FRMD4A: variants seen among roughly 807,000 people sequenced by gnomAD.
FRMD4A encodes FERM domain containing 4A.
Under a neutral mutation model 129.1 loss-of-function variants are expected in FRMD4A, and 29 were observed. The observed-to-expected ratio is 0.22, with a 90% CI of 0.17 to 0.31. The LOEUF (loss-of-function observed/expected upper bound fraction) is 0.31. Among genes scored for constraint, FRMD4A ranks in the 10% least tolerant of loss-of-function variants. The pLI is 1.00. For synonymous variants in FRMD4A, 634 were observed against 571.6 expected (o/e 1.11, Z -1.56); for missense variants, 1,272 against 1,375.8 (o/e 0.92, Z 1.19).
intron 2 of FRMD4A, among the ~76,000 whole-genome samples, chr10:14,177,977 C>T (rs1841789944): frequency 6.6e-6 from 1 of 152,174 alleles, no homozygotes; most frequent in Non-Finnish European, 1.5e-5. Flanking sequence ...ATGAGAATGG[C>T]AATAGCTGTT....
chr10:14,313,307 G>C (rs1846624158), intron 2 of FRMD4A, among the ~76,000 whole-genome samples: 1 of 152,242 alleles, frequency 6.6e-6, no homozygotes, highest in South Asian at 2.1e-4. Context: ...AGGCTGCAGT[G>C]AGCTATGATT....
At chr10:13,682,493 CTTTCTTTT>C (rs2084690360) in intron 15 of FRMD4A, among the ~76,000 whole-genome samples, 2 of 96,262 alleles carry the variant, frequency 2.1e-5, no homozygotes, top group Non-Finnish European at 4.8e-5. Flanking sequence ...CATTTTCTTT[CTTTCTTTT>C]TTTTTTTTTT....
chr10:13,707,446 A>G (rs1298256266), intron 12 of FRMD4A: 50 of 1,045,022 alleles, frequency 4.8e-5, no homozygotes, highest in Non-Finnish European at 5.7e-5. Flanking sequence ...CTTCCAGGAG[A>G]GGGAGGAGAG....
At chr10:14,079,356 A>G (rs1167914282) in intron 2 of FRMD4A, among the ~76,000 whole-genome samples, 1 of 152,086 alleles carries the variant, frequency 6.6e-6, no homozygotes, top group Admixed American at 6.6e-5. Context: ...AAAAGCCCAG[A>G]CCTCCTGGTG....
intron 2 of FRMD4A, among the ~76,000 whole-genome samples, chr10:14,175,643 G>A (rs1841695045): frequency 6.6e-6 from 1 of 150,660 alleles, no homozygotes; most frequent in Admixed American, 6.6e-5. Flanking sequence ...TCCTGCCTCA[G>A]CCTCCTGAAT....
intron 2 of FRMD4A, among the ~76,000 whole-genome samples, chr10:14,134,416 G>A (rs1454332461): frequency 6.6e-6 from 1 of 151,884 alleles, no homozygotes; most frequent in Non-Finnish European, 1.5e-5. Context: ...TGGATGGATG[G>A]GGGATAGGTG....
intron 3 of FRMD4A, among the ~76,000 whole-genome samples, chr10:13,828,706 A>G (rs539415503): frequency 6.6e-5 from 10 of 151,864 alleles, no homozygotes; most frequent in Admixed American, 5.9e-4. Context: ...CTAATTTTGT[A>G]TTTTTAGTAG....
intron 2 of FRMD4A, among the ~76,000 whole-genome samples, chr10:14,160,418 C>T (rs1417930579): frequency 6.6e-6 from 1 of 152,028 alleles, no homozygotes; most frequent in Non-Finnish European, 1.5e-5. Context: ...GCACAGGCAA[C>T]AACACAAAAA....
intron 2 of FRMD4A, among the ~76,000 whole-genome samples, chr10:14,329,480 G>T (rs1407480326): frequency 6.6e-6 from 1 of 152,166 alleles, no homozygotes; most frequent in African/African-American, 2.4e-5. Context: ...CTCACACACA[G>T]ATAAATGCCT....
intron 3 of FRMD4A, among the ~76,000 whole-genome samples, chr10:13,813,814 G>A (rs1333264962): frequency 6.6e-6 from 1 of 152,194 alleles, no homozygotes; most frequent in Non-Finnish European, 1.5e-5. Flanking sequence ...ATTCAAAATT[G>A]GAAGTACAGT....
chr10:13,785,250 A>C (rs1272801415), intron 5 of FRMD4A, among the ~76,000 whole-genome samples: 1 of 152,148 alleles, frequency 6.6e-6, no homozygotes, highest in Admixed American at 6.6e-5. Context: ...TCAGACATTA[A>C]ATTTTCTCAA....
At chr10:14,133,781 C>A (rs939871059) in intron 2 of FRMD4A, among the ~76,000 whole-genome samples, 78 of 152,320 alleles carry the variant, frequency 5.1e-4, no homozygotes, top group African/African-American at 1.9e-3. Flanking sequence ...AGAACCATAT[C>A]TTATGAGTCT....
At chr10:13,918,187 T>C (rs546342571) in intron 2 of FRMD4A, among the ~76,000 whole-genome samples, 1 of 152,296 alleles carries the variant, frequency 6.6e-6, no homozygotes, top group South Asian at 2.1e-4. Flanking sequence ...AGAATGTGGG[T>C]TTCTTGCAGG....
chr10:13,683,712 G>GTTTTT (rs5783340), intron 15 of FRMD4A, among the ~76,000 whole-genome samples: 1 of 147,814 alleles, frequency 6.8e-6, no homozygotes, highest in Non-Finnish European at 1.5e-5. Flanking sequence ...GTCACATCCA[G>GTTTTT]TTTTTTTTTT....
intron 2 of FRMD4A, among the ~76,000 whole-genome samples, chr10:13,924,856 A>G (rs2095112479): frequency 6.6e-6 from 1 of 152,036 alleles, no homozygotes; most frequent in Non-Finnish European, 1.5e-5. Context: ...TGAGGTCAGG[A>G]GTTCGAGACC....
chr10:14,054,425 C>T (rs1475403498), intron 2 of FRMD4A, among the ~76,000 whole-genome samples: 1 of 152,134 alleles, frequency 6.6e-6, no homozygotes, highest in Non-Finnish European at 1.5e-5. Context: ...CAGCCTTGCC[C>T]TAATTTCCCA....
intron 12 of FRMD4A, chr10:13,707,725 A>G (rs1384094339): frequency 1.5e-5 from 15 of 985,276 alleles, no homozygotes; most frequent in Non-Finnish European, 1.8e-5. Flanking sequence ...TCACAGTGTG[A>G]GCCTGTCAAG....
intron 2 of FRMD4A, among the ~76,000 whole-genome samples, chr10:14,026,448 A>G (rs1391535801): frequency 6.6e-6 from 1 of 152,192 alleles, no homozygotes; most frequent in Non-Finnish European, 1.5e-5. Flanking sequence ...TTGTACATGC[A>G]TGTTCTTCGA....
chr10:14,037,922 T>C (rs1833577633), intron 2 of FRMD4A, among the ~76,000 whole-genome samples: 1 of 152,242 alleles, frequency 6.6e-6, no homozygotes, highest in Admixed American at 6.5e-5. Flanking sequence ...AAGCTTTCAT[T>C]GATCCAAATG....
Sources: allele counts gnomAD v4.1 joint callset (sites outside exome capture counted in the v4.1 genomes callset), GRCh38; gene constraint gnomAD v4.1.1; transcripts MANE v1.5; gene names NCBI Gene and HGNC (gene_info 2026-07-23, HGNC 2026-07-21).